Variants in ZNF385D observed in about 807,000 individuals in gnomAD.
The protein encoded by ZNF385D is zinc finger protein 385D.
A neutral mutation model predicts 35.8 loss-of-function variants in ZNF385D; 15 were observed. That is an observed-to-expected ratio of 0.42 (90% CI 0.28 to 0.64). ZNF385D has a LOEUF of 0.64. ZNF385D is among the 30% of genes least tolerant of loss of function. The pLI is 0.23. For synonymous variants in ZNF385D, 212 were observed against 186.8 expected (o/e 1.13, Z -1.10); for missense variants, 474 against 494.6 (o/e 0.96, Z 0.39).
chr3:22,283,244 G>A (rs1360726798), intron 2 of ZNF385D, among the ~76,000 whole-genome samples: 5 of 152,028 alleles, frequency 3.3e-5, no homozygotes, highest in Non-Finnish European at 7.4e-5. Flanking sequence ...GGGGACTTCA[G>A]TACTCCACTG....
intron 2 of ZNF385D, chr3:22,169,047 A>C (rs1706517038): frequency 1.0e-6 from 1 of 982,684 alleles, no homozygotes; most frequent in South Asian, 4.7e-5. Context: ...TGAGGGTGCA[A>C]GGAAAATTAT....
intron 2 of ZNF385D, among the ~76,000 whole-genome samples, chr3:22,283,243 A>G (rs565611521): frequency 6.6e-6 from 1 of 152,254 alleles, no homozygotes; most frequent in South Asian, 2.1e-4. Flanking sequence ...GGGGGACTTC[A>G]GTACTCCACT....
chr3:21,482,674 G>C (rs1204875109), intron 4 of ZNF385D, among the ~76,000 whole-genome samples: 2 of 152,040 alleles, frequency 1.3e-5, no homozygotes, highest in African/African-American at 4.8e-5. Context: ...CCAATTTCTA[G>C]ACATCAAATT....
At chr3:21,966,846 C>A (rs1000138450) in intron 3 of ZNF385D, among the ~76,000 whole-genome samples, 1 of 152,082 alleles carries the variant, frequency 6.6e-6, no homozygotes, top group South Asian at 2.1e-4. Flanking sequence ...CCTCCGAGGC[C>A]GAAGGATTAT....
At chr3:22,350,632 T>G (rs1695872371) in intron 2 of ZNF385D, among the ~76,000 whole-genome samples, 1 of 152,136 alleles carries the variant, frequency 6.6e-6, no homozygotes, top group Non-Finnish European at 1.5e-5. Flanking sequence ...TATAATTCAG[T>G]GAAGATAAGC....
rs1442570322 is a variant in ZNF385D, at chr3:21,930,261, C to T, written c.325+238556G>A. On this transcript the variant is annotated intron_variant, in intron 3 of 5. Coordinates refer to the ZNF385D transcript ENST00000494108. ...CTACATGCAAAAGTAAAGTTGAACA[C>T]TTTTTTTATACTGTACAAAAAAAAA... Among the ~76,000 whole-genome samples, 3 of 137,164 alleles carry T rather than the reference C, an allele frequency of 2.2e-5. No homozygotes were observed. The Admixed American group carries it at 2.4e-4, about 11-fold the overall frequency. The allele number at this position is 137,164 out of a possible 152,430, so 90.0% of individuals were successfully genotyped here. A position where few individuals can be genotyped will look rare whatever the true frequency, so the allele number is the denominator to read the frequency against.
intron 1 of ZNF385D, among the ~76,000 whole-genome samples, chr3:21,696,922 A>T (rs201733325): frequency 3.3e-5 from 5 of 152,356 alleles, no homozygotes; most frequent in East Asian, 3.9e-4. Flanking sequence ...GTATCCTGTT[A>T]ATATTTCTTT....
intron 3 of ZNF385D, among the ~76,000 whole-genome samples, chr3:22,030,256 C>CATATATATATATATATATATATAT (rs71044967): frequency 4.6e-5 from 1 of 21,738 alleles, no homozygotes; most frequent in African/African-American, 1.6e-4. Flanking sequence ...TAAACTCATT[C>CATATATATATATATATATATATAT]ATATATATAT....
At chr3:22,033,437 A>ATAATAATAC (rs986279719) in intron 3 of ZNF385D, among the ~76,000 whole-genome samples, 3 of 149,310 alleles carry the variant, frequency 2.0e-5, no homozygotes, top group African/African-American at 7.4e-5. Context: ...AATAATAATA[A>ATAATAATAC]TAATGCACAG....
chr3:22,072,198 C>T (rs941348), intron 3 of ZNF385D, among the ~76,000 whole-genome samples: 31,289 of 151,942 alleles, frequency 0.21, 3,286 homozygotes, highest in South Asian at 0.26. Context: ...CATCCTGTGG[C>T]AAGCAGAATC....
At chr3:21,847,354 C>A (rs1018719913) in intron 3 of ZNF385D, among the ~76,000 whole-genome samples, 7 of 151,946 alleles carry the variant, frequency 4.6e-5, no homozygotes, top group Admixed American at 6.6e-5. Context: ...AAAAGAGGCA[C>A]TGATCTACTA....
At chr3:21,968,820 C>T (rs6769477) in intron 3 of ZNF385D, among the ~76,000 whole-genome samples, 30,628 of 152,104 alleles carry the variant, frequency 0.2, 3,756 homozygotes, top group Non-Finnish European at 0.28. Context: ...GGGAGAGACT[C>T]CTTTTGCTTA....
intron 3 of ZNF385D, among the ~76,000 whole-genome samples, chr3:21,783,151 A>T (rs953534083): frequency 2.6e-5 from 4 of 152,170 alleles, no homozygotes; most frequent in African/African-American, 9.7e-5. Flanking sequence ...AATTCTATTT[A>T]TGAACTTTCA....
chr3:21,716,391 C>T (rs2068320028), intron 1 of ZNF385D, among the ~76,000 whole-genome samples: 2 of 152,042 alleles, frequency 1.3e-5, no homozygotes, highest in African/African-American at 4.8e-5. Flanking sequence ...CTAGATGATC[C>T]CCACCATTAC....
intron 3 of ZNF385D, among the ~76,000 whole-genome samples, chr3:21,982,225 T>C (rs773038875): frequency 1.4e-4 from 21 of 152,102 alleles, no homozygotes; most frequent in Non-Finnish European, 2.1e-4. Flanking sequence ...TTTCTTCCAT[T>C]TGTTTGTGTC....
chr3:22,076,459 G>A (rs1700469161), intron 3 of ZNF385D, among the ~76,000 whole-genome samples: 1 of 151,794 alleles, frequency 6.6e-6, no homozygotes, highest in African/African-American at 2.4e-5. Context: ...CTCAGCTTAA[G>A]ATTCATCTCC....
chr3:21,886,230 C>A (rs1259190309), intron 3 of ZNF385D, among the ~76,000 whole-genome samples: 1 of 152,066 alleles, frequency 6.6e-6, no homozygotes, highest in Non-Finnish European at 1.5e-5. Context: ...TGTTTATCTT[C>A]CCACCATAAA....
intron 2 of ZNF385D, among the ~76,000 whole-genome samples, chr3:22,289,715 G>T (rs1186391615): frequency 2.6e-5 from 4 of 152,074 alleles, no homozygotes; most frequent in African/African-American, 7.2e-5. Context: ...TCATTTCCTG[G>T]GCTAGAAGGT....
rs75652083 is a variant in ZNF385D, at chr3:22,118,038, A to T, written c.325+50779T>A. On this transcript the variant is annotated intron_variant, in intron 3 of 5. Transcript: ENST00000494108. ...GTTTAAATAAAACCTGTGATTTGTA[A>T]CAGACGCACAATTAAATAAGTATTT... Among the ~76,000 whole-genome samples, 1,091 of 152,222 alleles carry T rather than the reference A, an allele frequency of 7.2e-3. 9 individuals carry two copies. The highest frequency in any genetic ancestry group is 0.025 in the African/African-American group (1,032 of 41,556).
Sources: gnomAD v4.1 joint callset for allele counts (sites outside exome capture counted in the v4.1 genomes callset) on GRCh38, gnomAD v4.1.1 for gene constraint, MANE v1.5 for transcripts, NCBI Gene and HGNC (gene_info 2026-07-23, HGNC 2026-07-21) for gene names.